MIGA1: variants seen among roughly 807,000 people sequenced by gnomAD.
The protein encoded by MIGA1 is mitoguardin 1.
In MIGA1, 58 loss-of-function variants were observed where a neutral mutation model predicts 82.0. That is an observed-to-expected ratio of 0.71 (90% CI 0.57 to 0.88). MIGA1 has a LOEUF of 0.88. MIGA1 is among the 40% of genes least tolerant of loss of function. MIGA1 has a pLI of 0.00. For missense variants in MIGA1, 751 were observed against 749.1 expected (o/e 1.00, Z -0.03); for synonymous variants, 249 against 253.6 (o/e 0.98, Z 0.17).
chr1:77,807,959 C>T (rs1683167403), intron 5 of MIGA1, among the ~76,000 whole-genome samples: 1 of 152,032 alleles, frequency 6.6e-6, no homozygotes, highest in African/African-American at 2.4e-5. Context: ...GTTGGGCTTA[C>T]AGGTGTGCAT....
In MIGA1 at chr1:77,790,917, C is replaced by G. The variant is rs1385970183; in HGVS notation, c.195+7566C>G. Among the ~76,000 whole-genome samples the G allele has an allele frequency of 2.6e-5, 4 of 152,078 alleles. 1 individual carries two copies. The highest frequency in any genetic ancestry group is 4.2e-4 in the South Asian group (2 of 4,818). ...GCACCATTCCTAATCCCTGGTGAAC[C>G]CTAATCTGTTTTCCATCTATAGTTT... On this transcript the variant is annotated intron_variant, in intron 2 of 15. Coordinates refer to ENST00000370791, the MANE Select transcript of MIGA1 (RefSeq NM_198549.4).
chr1:77,814,002 C>A (rs142822621), intron 6 of MIGA1, 135 bp downstream of exon 6: 2 of 824,220 alleles, frequency 2.4e-6, no homozygotes, highest in South Asian at 3.7e-5. Context: ...GCGATCTTCC[C>A]GCCTTGTCCT....
At chr1:77,795,662 C>CTCTG (rs1491554905) in intron 2 of MIGA1, among the ~76,000 whole-genome samples, 1 of 149,282 alleles carries the variant, frequency 6.7e-6, no homozygotes, top group Admixed American at 6.7e-5. Flanking sequence ...GAGATTCTCA[C>CTCTG]TCTGTCGTTG....
chr1:77,782,468 C>T (rs1290861612), intron 1 of MIGA1, among the ~76,000 whole-genome samples: 1 of 151,920 alleles, frequency 6.6e-6, no homozygotes, highest in Non-Finnish European at 1.5e-5. Flanking sequence ...AATAGATAAA[C>T]TTGTAAAGTG....
intron 7 of MIGA1, among the ~76,000 whole-genome samples, chr1:77,834,643 A>G (rs1242060344): frequency 1.3e-5 from 2 of 152,220 alleles, no homozygotes; most frequent in Non-Finnish European, 2.9e-5. Flanking sequence ...CTCTCAAATT[A>G]TACTGTAGTA....
chr1:77,829,955 A>G (rs1684183420), intron 7 of MIGA1, among the ~76,000 whole-genome samples: 1 of 112,444 alleles, frequency 8.9e-6, no homozygotes, highest in African/African-American at 3.5e-5. Flanking sequence ...TTGTTCTGTT[A>G]ATCTGTTTCC....
At position 77,875,391 on chromosome 1, in the gene MIGA1, C is replaced by G. The variant is rs1168855254; in HGVS notation, c.*327C>G. 4.3e-6 allele frequency: 1 copy of G among 231,250 alleles called. No homozygotes were observed. The highest frequency in any genetic ancestry group is 8.5e-6 in the Non-Finnish European group (1 of 117,602). The allele number at this position is 231,250 out of a possible 1,614,324, so 14.3% of individuals were successfully genotyped here. A position where few individuals can be genotyped will look rare whatever the true frequency, so the allele number is the denominator to read the frequency against. On this transcript the variant is annotated 3_prime_UTR_variant, in exon 16 of 16. Transcript: ENST00000370791. ...TTCTTGAAGCTGTCATTCTCAAAAG[C>G]TCTGTTTTTATGCTTTGCACCTTTA... is the stretch of plus-strand genomic sequence containing the variant.
At chr1:77,809,161 A>G (rs1185658355) in intron 5 of MIGA1, among the ~76,000 whole-genome samples, 1 of 152,174 alleles carries the variant, frequency 6.6e-6, no homozygotes, top group Non-Finnish European at 1.5e-5. Context: ...TAAAAATTCA[A>G]ATTGAAGAAA....
rs1646901728 is a variant in MIGA1, at chr1:77,877,321, A to G, written c.*2257A>G. ...TTCAGGATCATGCTGTTTTGCATGTACTTTATAGGTTATATAGCATGAAAC... is the reference window on the plus strand; with the variant it reads ...TTCAGGATCATGCTGTTTTGCATGTGCTTTATAGGTTATATAGCATGAAAC... On this transcript the variant is annotated 3_prime_UTR_variant, in exon 16 of 16. Transcript: ENST00000370791. 6.6e-6 allele frequency: 1 copy of G among 152,194 alleles called. No individual in the cohort carries two copies. The highest frequency in any genetic ancestry group is 1.5e-5 in the Non-Finnish European group (1 of 68,042). 9.4% of individuals were successfully genotyped at this position (152,194 alleles called of 1,614,324 possible). A position where few individuals can be genotyped will look rare whatever the true frequency, so the allele number is the denominator to read the frequency against.
intron 8 of MIGA1, among the ~76,000 whole-genome samples, chr1:77,857,726 G>GTTTTTTTTT (rs766194564): frequency 4.1e-4 from 45 of 110,950 alleles, no homozygotes; most frequent in African/African-American, 6.4e-4. Flanking sequence ...CTGGGTTGTT[G>GTTTTTTTTT]TTTTTTTTTT....
chr1:77,808,697 A>C (rs1194644515), intron 5 of MIGA1, among the ~76,000 whole-genome samples: 1 of 152,206 alleles, frequency 6.6e-6, no homozygotes, highest in Non-Finnish European at 1.5e-5. Flanking sequence ...GTGGAAATGC[A>C]TACTAAATAA....
At chr1:77,825,246 T>G (rs1683986345) in intron 7 of MIGA1, among the ~76,000 whole-genome samples, 1 of 152,158 alleles carries the variant, frequency 6.6e-6, no homozygotes, top group African/African-American at 2.4e-5. Context: ...CCTCAAGTGA[T>G]CTGCCCGCCT....
intron 14 of MIGA1, among the ~76,000 whole-genome samples, chr1:77,869,319 T>G (rs1022738613): frequency 6.9e-6 from 1 of 144,990 alleles, no homozygotes; most frequent in African/African-American, 2.6e-5. Flanking sequence ...CAGAACAAAA[T>G]GAAAAGTCTC....
intron 8 of MIGA1, among the ~76,000 whole-genome samples, chr1:77,852,489 A>G (rs929707611): frequency 1.3e-5 from 2 of 151,990 alleles, no homozygotes; most frequent in Admixed American, 1.3e-4. Context: ...TAATGGACAT[A>G]TTTATGTATC....
Position 77,803,319 on chromosome 1 carries a change from T to C in MIGA1, c.423T>C (p.Ser141=). Residue 141 remains serine, a synonymous_variant, in exon 4 of 16, where the codon TCT becomes TCC. Coordinates refer to ENST00000370791, the MANE Select transcript of MIGA1 (RefSeq NM_198549.4). ...AGAATTTGACATTATCTTTAAGTTC[T>C]ACCAAAGACAAAGGATCTCAAGTTT... 1 of 1,559,522 alleles carries C rather than the reference T, an allele frequency of 6.4e-7. No homozygotes were observed.
intron 14 of MIGA1, among the ~76,000 whole-genome samples, chr1:77,867,819 C>T (rs1411209372): frequency 6.6e-6 from 1 of 152,182 alleles, no homozygotes; most frequent in Admixed American, 6.5e-5. Context: ...GTATAGTCCT[C>T]ACAGCATCTT....
At chr1:77,819,080 C>CAAA (rs745979095) in intron 7 of MIGA1, among the ~76,000 whole-genome samples, 1 of 63,332 alleles carries the variant, frequency 1.6e-5, no homozygotes, top group Non-Finnish European at 3.3e-5. Flanking sequence ...AACTCTGTCC[C>CAAA]AAAAAAAAAA....
chr1:77,853,692 C>A (rs1473906244), intron 8 of MIGA1: 2 of 261,212 alleles, frequency 7.7e-6, no homozygotes, highest in Admixed American at 9.8e-5. Context: ...AAACAAAAAC[C>A]CAAAAACAAA....
At chr1:77,869,149 C>T (rs577562034) in intron 14 of MIGA1, among the ~76,000 whole-genome samples, 58 of 148,116 alleles carry the variant, frequency 3.9e-4, no homozygotes, top group African/African-American at 1.2e-3. Context: ...TGACTCTTAA[C>T]GAGCATGCTG....
Sources: allele counts gnomAD v4.1 joint callset (sites outside exome capture counted in the v4.1 genomes callset), GRCh38; gene constraint gnomAD v4.1.1; transcripts MANE v1.5; gene names NCBI Gene and HGNC (gene_info 2026-07-23, HGNC 2026-07-21).